Variants in PCDHAC2 observed in about 807,000 individuals in gnomAD.
PCDHAC2 encodes protocadherin alpha subfamily C, 2, also known as protocadherin alpha-C2.
Under a neutral mutation model 63.3 loss-of-function variants are expected in PCDHAC2, and 24 were observed. The observed-to-expected ratio is 0.38, with a 90% CI of 0.27 to 0.53. PCDHAC2 has a LOEUF of 0.53. PCDHAC2 is among the 20% of genes least tolerant of loss of function. The pLI is 0.81. For synonymous variants in PCDHAC2, 569 were observed against 529.4 expected (o/e 1.07, Z -1.03); for missense variants, 1,181 against 1,275.2 (o/e 0.93, Z 1.12).
In PCDHAC2 at chr5:141,010,449, C is replaced by G. The variant is rs764975082; in HGVS notation, c.*512C>G. 1.1e-6 allele frequency: 1 copy of G among 915,348 alleles called. No homozygotes were observed. Among genetic ancestry groups the G allele is most frequent in the East Asian group, 2.7e-5 (1 of 36,418 alleles). 56.7% of individuals were successfully genotyped at this position (915,348 alleles called of 1,614,324 possible). ...CAAGAAAACAAAGACAAATAAACAGCGGAAGTTATCAGTATGGAGGGGAAG... is the reference window on the plus strand; with the variant it reads ...CAAGAAAACAAAGACAAATAAACAGGGGAAGTTATCAGTATGGAGGGGAAG... On this transcript the variant is annotated 3_prime_UTR_variant, in exon 4 of 4. Transcript: ENST00000289269.
rs1554228549 is a variant in PCDHAC2, at chr5:140,966,679, G to A, written c.-88G>A. 7.6e-7 allele frequency: 1 copy of A among 1,317,562 alleles called. No homozygotes were observed. The highest frequency in any genetic ancestry group is 9.8e-7 in the Non-Finnish European group (1 of 1,022,316). 81.6% of individuals were successfully genotyped at this position (1,317,562 alleles called of 1,614,324 possible). ...TGGGGGAGCAGGCGCAGGGTGGCAC[G>A]AGCGGAGGCGGGGCCCGGGCGTGGG... is the stretch of plus-strand genomic sequence containing the variant. On this transcript the variant is annotated 5_prime_UTR_variant, in exon 1 of 4. Coordinates refer to ENST00000289269, the MANE Select transcript of PCDHAC2 (RefSeq NM_018899.6).
At chr5:140,972,909 G>T (rs999939821) in intron 1 of PCDHAC2, among the ~76,000 whole-genome samples, 18 of 151,942 alleles carry the variant, frequency 1.2e-4, no homozygotes, top group African/African-American at 4.4e-4. Flanking sequence ...TGATCCACCC[G>T]CCTTGGCCTC....
chr5:141,006,384 T>C, intron 3 of PCDHAC2, among the ~76,000 whole-genome samples: 2 of 152,126 alleles, frequency 1.3e-5, no homozygotes, highest in South Asian at 4.2e-4. Flanking sequence ...GCTAAGTTTT[T>C]TCTATTTTTT....
intron 2 of PCDHAC2, among the ~76,000 whole-genome samples, chr5:140,981,687 A>ATCATTCATTCAT (rs200213847): frequency 1.1e-4 from 17 of 151,972 alleles, no homozygotes; most frequent in African/African-American, 4.1e-4. Context: ...CCTCCCTTCC[A>ATCATTCATTCAT]TCATTCATTC....
intron 3 of PCDHAC2, among the ~76,000 whole-genome samples, chr5:140,985,361 G>T (rs1453706797): frequency 1.3e-5 from 2 of 152,132 alleles, no homozygotes; most frequent in Non-Finnish European, 2.9e-5. Flanking sequence ...GACCCTCTGA[G>T]GTTATCTGGG....
chr5:141,011,745 A>G lies in PCDHAC2; in HGVS notation c.*1808A>G, dbSNP rs1378591918. 3 of 153,762 alleles carry G rather than the reference A, an allele frequency of 2.0e-5. No individual in the cohort carries two copies. The highest frequency in any genetic ancestry group is 1.9e-4 in the East Asian group (1 of 5,196). 9.5% of individuals were successfully genotyped at this position (153,762 alleles called of 1,614,324 possible). ...GGGTGTGCAAGCACAAATTTTACCA[A>G]TCTGACCTCTTTGAAGTTGCAGAAT... On this transcript the variant is annotated 3_prime_UTR_variant, in exon 4 of 4. Coordinates refer to ENST00000289269, the MANE Select transcript of PCDHAC2 (RefSeq NM_018899.6).
rs114567887 is a variant in PCDHAC2, at chr5:140,974,104, T to G, written c.2565+4773T>G. The stretch of plus-strand genomic sequence containing the variant: ...GACTTCAAAAATCAAAGGTTAAAAG[T>G]ATTCTTTTGCAGTGTTTTAAATCTG... On this transcript the variant is annotated intron_variant, in intron 1 of 3. Coordinates refer to ENST00000289269, the MANE Select transcript of PCDHAC2 (RefSeq NM_018899.6). Among the ~76,000 whole-genome samples, 1,327 of 152,364 alleles carry G rather than the reference T, an allele frequency of 8.7e-3. 24 individuals carry two copies. Among genetic ancestry groups the G allele is most frequent in the African/African-American group, 0.03 (1,240 of 41,584 alleles).
chr5:140,975,058 C>T (rs1016137596), intron 1 of PCDHAC2, among the ~76,000 whole-genome samples: 34 of 152,090 alleles, frequency 2.2e-4, no homozygotes, highest in African/African-American at 8.2e-4. Context: ...AATCTACTAT[C>T]GAGCTCATTC....
chr5:141,009,717 A>C lies in PCDHAC2; in HGVS notation c.2804A>C (p.Gln935Pro). Residue 935 changes from glutamine to proline, a missense_variant, in exon 4 of 4, where the codon CAA becomes CCA. Coordinates refer to ENST00000289269, the MANE Select transcript of PCDHAC2 (RefSeq NM_018899.6). ...AAATACGGACCAGGCAACCCCAAAC[A>C]ATCCGGTCCCGGTGAGTTGCCCGAC... ...TFKYGPGNPK[Q>P]SGPGELPDKF... is the part of the protein sequence containing the mutation. 4 of 1,614,058 alleles carry C rather than the reference A, an allele frequency of 2.5e-6. No homozygotes were observed. The highest frequency in any genetic ancestry group is 3.4e-6 in the Non-Finnish European group (4 of 1,180,004).
chr5:140,976,494 G>A (rs1247242198), intron 1 of PCDHAC2, among the ~76,000 whole-genome samples: 1 of 151,942 alleles, frequency 6.6e-6, no homozygotes, highest in Non-Finnish European at 1.5e-5. Context: ...GAGGTTGCAG[G>A]GAGCCAAGAT....
chr5:140,996,365 T>C (rs1017086317), intron 3 of PCDHAC2, among the ~76,000 whole-genome samples: 4 of 152,196 alleles, frequency 2.6e-5, no homozygotes, highest in African/African-American at 9.7e-5. Context: ...GAAGCCATTT[T>C]GTTGTCGGCT....
chr5:140,987,513 A>C (rs1324114239), intron 3 of PCDHAC2, among the ~76,000 whole-genome samples: 3 of 152,168 alleles, frequency 2.0e-5, no homozygotes, highest in Non-Finnish European at 4.4e-5. Flanking sequence ...TCTGCCACTC[A>C]GTAATTGTAT....
rs371669028 is a variant in PCDHAC2 at position 140,967,792 on chromosome 5, A to G, written c.1026A>G (p.Pro342=). ...ATGTGCAGGCGACTGACCGGGGTCC[A>G]GTGCCCATGGCAGGTCACTGCAAGG... ...QIYVQATDRG[P]VPMAGHCKVL... is the part of the protein sequence containing the mutation. The change falls in exon 1 of 4, where the codon CCA becomes CCG. Residue 342 remains proline (P), a synonymous_variant. Coordinates refer to ENST00000289269, the MANE Select transcript of PCDHAC2 (RefSeq NM_018899.6). The G allele has an allele frequency of 2.5e-6, 4 of 1,614,212 alleles. No homozygotes were observed. The highest frequency in any genetic ancestry group is 3.4e-6 in the Non-Finnish European group (4 of 1,180,036).
chr5:141,004,037 G>C (rs946974688), intron 3 of PCDHAC2, among the ~76,000 whole-genome samples: 1 of 152,200 alleles, frequency 6.6e-6, no homozygotes, highest in African/African-American at 2.4e-5. Context: ...TTCCTTGATT[G>C]ATCATTTGCT....
At chr5:140,975,523 A>T (rs1275717294) in intron 1 of PCDHAC2, among the ~76,000 whole-genome samples, 1 of 152,196 alleles carries the variant, frequency 6.6e-6, no homozygotes, top group African/African-American at 2.4e-5. Flanking sequence ...TCTGCAGTGG[A>T]TATATTCTTA....
At chr5:140,988,482 C>T (rs1017365611) in intron 3 of PCDHAC2, among the ~76,000 whole-genome samples, 1 of 152,152 alleles carries the variant, frequency 6.6e-6, no homozygotes, top group Non-Finnish European at 1.5e-5. Flanking sequence ...GAATTAGCAT[C>T]CCCTACCTAG....
In PCDHAC2 at chr5:141,006,613, A is replaced by G. The variant is rs543043401; in HGVS notation, c.2714-3014A>G. 2.0e-5 allele frequency among the ~76,000 whole-genome samples: 3 copies of G among 152,308 alleles called. No individual in the cohort carries two copies. In the South Asian group the frequency reaches 6.2e-4, roughly 32 times the overall value. Reference sequence around the variant, plus strand: ...AGCAAAAGTGGAAGCAGACTGAATAAGGAGACTATTGCTGCAATTCATATA... The same window carrying G: ...AGCAAAAGTGGAAGCAGACTGAATAGGGAGACTATTGCTGCAATTCATATA... On this transcript the variant is annotated intron_variant, in intron 3 of 3. Coordinates refer to ENST00000289269, the MANE Select transcript of PCDHAC2 (RefSeq NM_018899.6).
chr5:140,989,805 A>G (rs3776110), intron 3 of PCDHAC2, among the ~76,000 whole-genome samples: 8,341 of 152,306 alleles, frequency 0.055, 292 homozygotes, highest in East Asian at 0.12. Context: ...GGAAAGGGCC[A>G]TAAGATTGGT....
intron 1 of PCDHAC2, 22 bp from the exon 2 acceptor site, chr5:140,978,924 GAAA>G (rs781894146): frequency 6.2e-7 from 1 of 1,614,012 alleles, no homozygotes; most frequent in East Asian, 2.2e-5. Flanking sequence ...CATTTTAACA[GAAA>G]ACTCTCTTTG....
Sources: gnomAD v4.1 joint callset for allele counts (sites outside exome capture counted in the v4.1 genomes callset) on GRCh38, gnomAD v4.1.1 for gene constraint, MANE v1.5 for transcripts, NCBI Gene and HGNC (gene_info 2026-07-23, HGNC 2026-07-21) for gene names.